Variants in AXDND1 observed in about 807,000 individuals in gnomAD.
AXDND1 encodes the protein axonemal dynein light chain domain containing 1.
Under a neutral mutation model 137.5 loss-of-function variants are expected in AXDND1, and 110 were observed. That is an observed-to-expected ratio of 0.80 (90% CI 0.69 to 0.94). The LOEUF (loss-of-function observed/expected upper bound fraction) is 0.94. Ranked by LOEUF, AXDND1 falls within the 40% of genes least tolerant of loss-of-function variation. The pLI is 0.00. For synonymous variants in AXDND1, 414 were observed against 399.7 expected (o/e 1.04, Z -0.43); for missense variants, 1,191 against 1,169.8 (o/e 1.02, Z -0.26).
chr1:179,389,442 G>A (rs1649771251), intron 9 of AXDND1, among the ~76,000 whole-genome samples: 1 of 152,092 alleles, frequency 6.6e-6, no homozygotes, highest in Admixed American at 6.6e-5. Context: ...GGGATCCTCA[G>A]GGCATGAATC....
intron 11 of AXDND1, among the ~76,000 whole-genome samples, chr1:179,410,790 A>T: frequency 6.6e-6 from 1 of 152,310 alleles, no homozygotes; most frequent in East Asian, 1.9e-4. Context: ...GGTTATTGTT[A>T]CTTGTATGCT....
chr1:179,462,442 G>T (rs1271400306), intron 16 of AXDND1, among the ~76,000 whole-genome samples: 1 of 152,088 alleles, frequency 6.6e-6, no homozygotes, highest in Non-Finnish European at 1.5e-5. Flanking sequence ...GCTGGATTCG[G>T]TTTGCCAGTA....
At chr1:179,488,112 C>T (rs1666297188) in intron 18 of AXDND1, among the ~76,000 whole-genome samples, 1 of 146,230 alleles carries the variant, frequency 6.8e-6, no homozygotes. Flanking sequence ...GTTGTTCTTA[C>T]AGTTGTCTAA....
intron 16 of AXDND1, chr1:179,454,048 T>C (rs1216025527): frequency 6.6e-6 from 1 of 152,204 alleles, no homozygotes; most frequent in East Asian, 1.9e-4. Flanking sequence ...CTGAAATGAA[T>C]TAAGACTTTG....
At position 179,483,374 on chromosome 1, in the gene AXDND1, A is replaced by AT. The variant is rs757708403; in HGVS notation, c.2091+159dup. Among the ~76,000 whole-genome samples the AT allele has an allele frequency of 5.9e-5, 9 of 152,298 alleles. No individual in the cohort carries two copies. The South Asian group carries it at 6.2e-4, about 11-fold the overall frequency. ...TAATTTCTCAAATAATTTTCAATGG[A>AT]TTTTTTAAAGCAGAATGTTTCTGCC... On this transcript the variant is annotated intron_variant, in intron 18 of 25. Coordinates refer to ENST00000367618, the MANE Select transcript of AXDND1 (RefSeq NM_144696.6).
intron 25 of AXDND1, chr1:179,543,715 C>T (rs1309797709): frequency 6.6e-6 from 1 of 152,174 alleles, no homozygotes; most frequent in African/African-American, 2.4e-5. Context: ...TGTCCTGCCC[C>T]AGGACCCAGA....
At chr1:179,446,337 C>A (rs1037955727) in intron 16 of AXDND1, among the ~76,000 whole-genome samples, 6 of 152,146 alleles carry the variant, frequency 3.9e-5, no homozygotes, top group Non-Finnish European at 7.3e-5. Flanking sequence ...CAAATGTCCA[C>A]CAACTGACAG....
intron 21 of AXDND1, among the ~76,000 whole-genome samples, chr1:179,523,259 G>C (rs1344709949): frequency 6.9e-6 from 1 of 144,474 alleles, no homozygotes; most frequent in Non-Finnish European, 1.5e-5. Flanking sequence ...TTTTTTTTGA[G>C]GCAGCAATTT....
intron 16 of AXDND1, among the ~76,000 whole-genome samples, chr1:179,460,551 T>A (rs1028695531): frequency 6.6e-6 from 1 of 152,192 alleles, no homozygotes; most frequent in Non-Finnish European, 1.5e-5. Flanking sequence ...TTATAATCCT[T>A]TGGGTATATA....
intron 12 of AXDND1, among the ~76,000 whole-genome samples, chr1:179,423,917 T>C (rs1273922553): frequency 1.3e-5 from 2 of 152,202 alleles, no homozygotes; most frequent in African/African-American, 4.8e-5. Flanking sequence ...TCTATATTTG[T>C]CTGTGTAGAT....
At chr1:179,538,701 A>G (rs1422259803) in intron 25 of AXDND1, among the ~76,000 whole-genome samples, 1 of 152,192 alleles carries the variant, frequency 6.6e-6, no homozygotes, top group Non-Finnish European at 1.5e-5. Flanking sequence ...GTAGGTGTCT[A>G]TTAGGTCTAC....
intron 25 of AXDND1, chr1:179,545,682 A>C (rs1672578097): frequency 6.6e-6 from 1 of 152,170 alleles, no homozygotes; most frequent in South Asian, 2.1e-4. Flanking sequence ...TCCACTTTGC[A>C]GGCATGAGTT....
chr1:179,509,195 A>G (rs561194092), intron 20 of AXDND1, 101 bp from the exon 21 acceptor site: 2 of 704,184 alleles, frequency 2.8e-6, no homozygotes, highest in Non-Finnish European at 2.4e-6. Context: ...AGTTAATTGA[A>G]TATAGTTATG....
chr1:179,497,988 A>G (rs780773055), intron 20 of AXDND1, among the ~76,000 whole-genome samples: 1 of 152,172 alleles, frequency 6.6e-6, no homozygotes, highest in Non-Finnish European at 1.5e-5. Flanking sequence ...ACTACAAAAC[A>G]CTGCTGAAAG....
rs142144140 is a variant in AXDND1, at chr1:179,546,679, C to T, written c.3032-7833C>T. 2.4e-3 allele frequency among the ~76,000 whole-genome samples: 369 copies of T among 152,250 alleles called. 2 individuals are homozygous for T. The highest frequency in any genetic ancestry group is 8.6e-3 in the African/African-American group (357 of 41,550). On this transcript the variant is annotated intron_variant, in intron 25 of 25. Coordinates refer to ENST00000367618, the MANE Select transcript of AXDND1 (RefSeq NM_144696.6). ...CTCATCATACTCCTCTGTGTCCCAG[C>T]CCCCAATCTCAGTGGCGACAGGTTC...
At chr1:179,490,585 G>A (rs6697862) in intron 18 of AXDND1, among the ~76,000 whole-genome samples, 69,053 of 151,592 alleles carry the variant, frequency 0.46, 16,550 homozygotes, top group East Asian at 0.76. Flanking sequence ...TAACCATTTG[G>A]AAAAGTACTA....
Position 179,411,158 on chromosome 1 carries a change from A to C in AXDND1, c.1122A>C (p.Glu374Asp). 6.3e-7 allele frequency: 1 copy of C among 1,578,700 alleles called. No homozygotes were observed. Among genetic ancestry groups the C allele is most frequent in the Non-Finnish European group, 8.6e-7 (1 of 1,162,990 alleles). Residue 374 changes from glutamate to aspartate, a missense_variant, in exon 12 of 26, where the codon GAA becomes GAC. Glu to Asp is a conservative substitution (Grantham distance 45, BLOSUM62 2). Transcript: ENST00000367618. Reference sequence around the variant, plus strand: ...ATTGTTTTTATAGAATAGTAGAAGAATATCATGACTTATATACATTACAAA... The same window carrying C: ...ATTGTTTTTATAGAATAGTAGAAGACTATCATGACTTATATACATTACAAA... ...NAEKNAKIVEEYHDLYTLQRE... is the reference protein window; with the variant it reads ...NAEKNAKIVEDYHDLYTLQRE...
At chr1:179,459,885 T>C (rs1387756228) in intron 16 of AXDND1, among the ~76,000 whole-genome samples, 1 of 141,760 alleles carries the variant, frequency 7.1e-6, no homozygotes, top group Non-Finnish European at 1.5e-5. Context: ...TTCTTTTCTC[T>C]TTTCTTTTCT....
intron 11 of AXDND1, among the ~76,000 whole-genome samples, 162 bp from the exon 12 acceptor site, chr1:179,410,984 A>G (rs1653783147): frequency 6.6e-6 from 1 of 152,190 alleles, no homozygotes; most frequent in Admixed American, 6.5e-5. Flanking sequence ...ATTTCACTGT[A>G]TATGTGTTAT....
Sources: gnomAD v4.1 joint callset for allele counts (sites outside exome capture counted in the v4.1 genomes callset) on GRCh38, gnomAD v4.1.1 for gene constraint, MANE v1.5 for transcripts, NCBI Gene and HGNC (gene_info 2026-07-23, HGNC 2026-07-21) for gene names.